C12orf42: variants seen among roughly 807,000 people sequenced by gnomAD.
The protein encoded by C12orf42 is uncharacterized protein C12orf42.
Under a neutral mutation model 21.6 loss-of-function variants are expected in C12orf42, and 25 were observed. The ratio of observed to expected loss-of-function variants is 1.16; its 90% confidence interval spans 0.84 to 1.62. The LOEUF (loss-of-function observed/expected upper bound fraction) is 1.62, where lower values mean the gene tolerates loss of function less well. Among genes scored for constraint, C12orf42 ranks in the 40% most tolerant of loss-of-function variants. The pLI is 0.00. For missense variants in C12orf42, 483 were observed against 459.3 expected, an observed-to-expected ratio of 1.05 and a Z score of -0.47; for synonymous variants, 174 against 175.0, an observed-to-expected ratio of 0.99 and a Z score of 0.05.
At chr12:103,180,678 G>C in the C12orf42 span, among the ~76,000 whole-genome samples, 1 of 134,452 alleles carries the variant, frequency 7.4e-6, no homozygotes, top group African/African-American at 2.9e-5. Context: ...GCCCAGGCTG[G>C]AGTGCAATGG....
At position 103,435,537 on chromosome 12, in the gene C12orf42, A is replaced by G. The variant is rs1316441613; in HGVS notation, c.79-33862T>C. 2.0e-5 allele frequency among the ~76,000 whole-genome samples: 3 copies of G among 152,324 alleles called. No homozygotes were observed. The East Asian group carries it at 5.8e-4, about 29-fold the overall frequency. The stretch of plus-strand genomic sequence containing the variant: ...AGAATAATGTATAACTAGAATAACC[A>G]ATACAGAGAAGTGCTTAAAGGAGGT... On this transcript the variant is annotated intron_variant, in intron 2 of 5. Coordinates refer to ENST00000548883, the MANE Select transcript of C12orf42 (RefSeq NM_198521.5).
intron 2 of C12orf42, among the ~76,000 whole-genome samples, chr12:103,433,051 A>T (rs992948923): frequency 1.3e-5 from 2 of 152,208 alleles, no homozygotes; most frequent in African/African-American, 4.8e-5. Flanking sequence ...CTTGCTTTAC[A>T]TTTCACACTA....
the C12orf42 span, among the ~76,000 whole-genome samples, chr12:103,092,418 T>C: frequency 1.3e-5 from 2 of 152,184 alleles, no homozygotes; most frequent in East Asian, 1.9e-4. Context: ...GAGAGTAACC[T>C]TGGAGTTCCA....
the C12orf42 span, among the ~76,000 whole-genome samples, chr12:103,131,924 T>C: frequency 2.0e-5 from 3 of 151,994 alleles, no homozygotes; most frequent in Non-Finnish European, 4.4e-5. Context: ...GAAGGAGTGA[T>C]GTTGGTTGGG....
the C12orf42 span, among the ~76,000 whole-genome samples, chr12:103,536,425 TA>T: frequency 4.6e-5 from 7 of 152,222 alleles, no homozygotes; most frequent in African/African-American, 1.4e-4. Flanking sequence ...ATCTTTAACA[TA>T]TAGATGTCAA....
chr12:103,354,904 G>A (rs1194853828), intron 4 of C12orf42, among the ~76,000 whole-genome samples: 1 of 151,914 alleles, frequency 6.6e-6, no homozygotes, highest in Admixed American at 6.6e-5. Flanking sequence ...ACTAGAAGAG[G>A]GGATTCTGAA....
At chr12:103,249,600 A>G (rs551049435) in intron 10 of C12orf42, among the ~76,000 whole-genome samples, 14 of 152,222 alleles carry the variant, frequency 9.2e-5, no homozygotes, top group Middle Eastern at 3.4e-3. Context: ...ACACTATCCC[A>G]TATCTGTTTT....
the C12orf42 span, among the ~76,000 whole-genome samples, chr12:103,068,971 A>C: frequency 8.2e-4 from 82 of 99,620 alleles, 6 homozygotes; most frequent in African/African-American, 3.6e-3. Context: ...ATATATATAT[A>C]TATATATATA....
the C12orf42 span, among the ~76,000 whole-genome samples, chr12:103,544,342 C>T: frequency 6.6e-6 from 1 of 152,214 alleles, no homozygotes; most frequent in Non-Finnish European, 1.5e-5. Flanking sequence ...CCACTGTCTT[C>T]TGACTTTCAT....
chr12:103,089,150 G>GTGCA, the C12orf42 span, among the ~76,000 whole-genome samples: 2 of 147,728 alleles, frequency 1.4e-5, no homozygotes, highest in Non-Finnish European at 3.0e-5. Flanking sequence ...CCCCTTGAGT[G>GTGCA]TGCAATCTTC....
chr12:103,316,236 TAAAAAC>T (rs2039485844), intron 4 of C12orf42, among the ~76,000 whole-genome samples: 2 of 151,746 alleles, frequency 1.3e-5, no homozygotes, highest in African/African-American at 4.8e-5. Context: ...AAAATTTACT[TAAAAAC>T]AAATTACAGT....
chr12:103,170,499 C>G, the C12orf42 span, among the ~76,000 whole-genome samples: 2 of 152,032 alleles, frequency 1.3e-5, no homozygotes, highest in Non-Finnish European at 2.9e-5. Context: ...CTTCCATCAG[C>G]CTTCCACTTT....
chr12:103,402,071 C>A (rs1257659009), intron 2 of C12orf42, among the ~76,000 whole-genome samples: 1 of 152,172 alleles, frequency 6.6e-6, no homozygotes, highest in Non-Finnish European at 1.5e-5. Context: ...TAGCCTGAAG[C>A]CCATCCCAGC....
At chr12:103,207,126 T>C in the C12orf42 span, among the ~76,000 whole-genome samples, 1 of 152,230 alleles carries the variant, frequency 6.6e-6, no homozygotes, top group Non-Finnish European at 1.5e-5. Context: ...GTCATGTCCC[T>C]CTGCCATTAG....
the C12orf42 span, among the ~76,000 whole-genome samples, chr12:103,518,379 A>G: frequency 6.6e-6 from 1 of 152,122 alleles, no homozygotes; most frequent in East Asian, 1.9e-4. Flanking sequence ...TTCAGCATCA[A>G]TCCTCCTTGG....
the C12orf42 span, chr12:103,164,341 T>C: frequency 2.2e-6 from 1 of 452,464 alleles, no homozygotes; most frequent in South Asian, 1.6e-5. Context: ...TTACAGACTC[T>C]CCTATCCCCT....
At chr12:103,254,445 TTACC>T (rs2034454849) in intron 10 of C12orf42, among the ~76,000 whole-genome samples, 1 of 152,156 alleles carries the variant, frequency 6.6e-6, no homozygotes. Context: ...AGGCATCACA[TTACC>T]TCACTTCAAA....
At chr12:103,262,952 A>C (rs548486347) in intron 10 of C12orf42, among the ~76,000 whole-genome samples, 1 of 152,336 alleles carries the variant, frequency 6.6e-6, no homozygotes, top group South Asian at 2.1e-4. Context: ...GCACATATAC[A>C]CCATGGAATA....
chr12:103,221,018 C>G, the C12orf42 span, among the ~76,000 whole-genome samples: 1 of 152,228 alleles, frequency 6.6e-6, no homozygotes, highest in Non-Finnish European at 1.5e-5. Flanking sequence ...GATTAACCTG[C>G]TTTGTTGCTG....
Sources: allele counts gnomAD v4.1 joint callset (sites outside exome capture counted in the v4.1 genomes callset), GRCh38; gene constraint gnomAD v4.1.1; transcripts MANE v1.5; gene names NCBI Gene and HGNC (gene_info 2026-07-23, HGNC 2026-07-21).